Variants in MTRES1 observed in about 807,000 individuals in gnomAD.
MTRES1 encodes the protein uncharacterized protein C6orf203.
MTRES1 carries 11 observed loss-of-function variants against 17.4 expected under a neutral mutation model. The observed-to-expected ratio is 0.63, with a 90% CI of 0.40 to 1.05. MTRES1 has a LOEUF of 1.05. Among genes scored for constraint, MTRES1 ranks in the 50% least tolerant of loss-of-function variants. The pLI is 0.00. For missense variants in MTRES1, 268 were observed against 276.2 expected (o/e 0.97, Z 0.21); for synonymous variants, 94 against 99.6 (o/e 0.94, Z 0.34).
intron 3 of MTRES1, among the ~76,000 whole-genome samples, chr6:107,050,481 C>T (rs2593801): frequency 0.3 from 44,958 of 150,720 alleles, 7,023 homozygotes; most frequent in East Asian, 0.38. Flanking sequence ...CACAGCCAGC[C>T]AGTTGTCTAG....
rs111993607 is a variant in MTRES1 at position 107,047,208 on chromosome 6, T to C, written c.543+2876T>C. ...TACACAGAGTATCCTTTTCTTTGTA[T>C]ATTTTTTTTTTCTTTTTCTTTATTT... is the stretch of plus-strand genomic sequence containing the variant. On this transcript the variant is annotated intron_variant, in intron 3 of 3. Transcript: ENST00000311381. Among the ~76,000 whole-genome samples, 1,224 of 152,102 alleles carry C rather than the reference T, an allele frequency of 8.0e-3. 23 individuals are homozygous for C. Among genetic ancestry groups the C allele is most frequent in the African/African-American group, 0.028 (1,163 of 41,520 alleles).
chr6:107,044,898 A>G (rs1023287222), intron 3 of MTRES1, among the ~76,000 whole-genome samples: 7 of 152,208 alleles, frequency 4.6e-5, no homozygotes, highest in Non-Finnish European at 1.0e-4. Context: ...AATAAATCAT[A>G]TATAAAAATT....
At chr6:107,029,988 G>C in intron 1 of MTRES1, 1 of 672,376 alleles carries the variant, frequency 1.5e-6, no homozygotes. Flanking sequence ...TAATTTACAG[G>C]GTGTTTTTTT....
chr6:107,041,224 CAA>C (rs55820077), intron 2 of MTRES1, among the ~76,000 whole-genome samples: 83,653 of 122,342 alleles, frequency 0.68, 26,639 homozygotes, highest in East Asian at 0.97. Context: ...GACTCCGTCT[CAA>C]AAAAAAAAAA....
At chr6:107,041,099 G>A (rs964915740) in intron 2 of MTRES1, among the ~76,000 whole-genome samples, 10 of 150,960 alleles carry the variant, frequency 6.6e-5, no homozygotes, top group Non-Finnish European at 1.0e-4. Flanking sequence ...GGTGGCAGGC[G>A]CCTGTAGTCC....
At chr6:107,032,620 A>G (rs1321348103) in intron 1 of MTRES1, among the ~76,000 whole-genome samples, 1 of 152,168 alleles carries the variant, frequency 6.6e-6, no homozygotes, top group African/African-American at 2.4e-5. Flanking sequence ...CTGAGGCGGG[A>G]GAATTGCTTG....
intron 1 of MTRES1, among the ~76,000 whole-genome samples, chr6:107,032,712 A>T (rs1298705653): frequency 6.6e-6 from 1 of 152,084 alleles, no homozygotes; most frequent in East Asian, 1.9e-4. Context: ...TCAAAAAAAT[A>T]AAAAAATGCC....
intron 3 of MTRES1, among the ~76,000 whole-genome samples, chr6:107,047,329 CT>C (rs1390565026): frequency 6.6e-6 from 1 of 151,830 alleles, no homozygotes; most frequent in Non-Finnish European, 1.5e-5. Flanking sequence ...CTCAAGTGAT[CT>C]TCCCACCTCA....
rs1343068053 is a variant in MTRES1, at chr6:107,051,167, T to C, written c.654T>C (p.Ser218=). ...AAGTGTTTGAAGAGAAGACTGAAAG[T>C]GAAAAATACAGAGTGGTGTTACGGC... ...LKKVFEEKTE[S]EKYRVVLRRW... is the part of the protein sequence containing the mutation. The change falls in exon 4 of 4, where the codon AGT becomes AGC. Residue 218 remains serine (S), a synonymous_variant. Transcript: ENST00000311381. The C allele has an allele frequency of 6.2e-7, 1 of 1,613,994 alleles. No homozygotes were observed. Among genetic ancestry groups the C allele is most frequent in the Non-Finnish European group, 8.5e-7 (1 of 1,179,986 alleles).
intron 3 of MTRES1, 129 bp downstream of exon 3, chr6:107,044,461 G>C (rs781960257): frequency 4.3e-6 from 3 of 700,838 alleles, no homozygotes; most frequent in Non-Finnish European, 7.6e-6. Context: ...GGTCCTCCAC[G>C]TCAAGCTGGT....
Position 107,029,111 on chromosome 6 carries a change from C to T in MTRES1, c.-13+840C>T, listed in dbSNP as rs189725766. Reference sequence around the variant, plus strand: ...CGGGATCTCGGCTCACTGCAAGCTCCGCCTCCCAGGTTCACGCCATTCTCC... The same window carrying T: ...CGGGATCTCGGCTCACTGCAAGCTCTGCCTCCCAGGTTCACGCCATTCTCC... On this transcript the variant is annotated intron_variant, in intron 1 of 3. Coordinates refer to ENST00000311381, the MANE Select transcript of MTRES1 (RefSeq NM_016487.5). 6.8e-3 allele frequency among the ~76,000 whole-genome samples: 1,040 copies of T among 152,040 alleles called. 15 individuals carry two copies. The highest frequency in any genetic ancestry group is 0.024 in the African/African-American group (998 of 41,454).
rs1343548201 is a variant in MTRES1, at chr6:107,041,709, T to A, written c.470+1479T>A. 3.3e-5 allele frequency among the ~76,000 whole-genome samples: 5 copies of A among 152,022 alleles called. No individual in the cohort carries two copies. In the East Asian group the frequency reaches 9.9e-4, roughly 30 times the overall value. On this transcript the variant is annotated intron_variant, in intron 2 of 3. Transcript: ENST00000311381. ...CCTGGCTAATTTTTTTGTATTTTTT[T>A]AGTAGAGACGGGATTTCACTGTGTT...
At chr6:107,050,178 A>G (rs1774546374) in intron 3 of MTRES1, among the ~76,000 whole-genome samples, 1 of 151,042 alleles carries the variant, frequency 6.6e-6, no homozygotes, top group Non-Finnish European at 1.5e-5. Flanking sequence ...CACTGTCTCA[A>G]CTGAAGCTGC....
At chr6:107,034,799 C>G (rs1206791469) in intron 1 of MTRES1, among the ~76,000 whole-genome samples, 3 of 152,054 alleles carry the variant, frequency 2.0e-5, no homozygotes, top group Non-Finnish European at 4.4e-5. Flanking sequence ...ACCAGCCTGA[C>G]CAACATGGAG....
intron 1 of MTRES1, 26 bp from the exon 2 acceptor site, chr6:107,039,723 T>C (rs781956708): frequency 1.0e-5 from 16 of 1,565,202 alleles, no homozygotes; most frequent in Non-Finnish European, 1.4e-5. Context: ...ACTTGTGAGA[T>C]AAAACTGATT....
chr6:107,031,773 G>A (rs1396586573), intron 1 of MTRES1, among the ~76,000 whole-genome samples: 11 of 152,122 alleles, frequency 7.2e-5, no homozygotes, highest in Non-Finnish European at 1.5e-5. Flanking sequence ...GCTAATTTTT[G>A]TATTAGTAGT....
intron 2 of MTRES1, among the ~76,000 whole-genome samples, chr6:107,041,514 T>TTTTTTTG (rs1554227771): frequency 1.3e-5 from 2 of 151,960 alleles, no homozygotes; most frequent in Admixed American, 1.3e-4. Flanking sequence ...TATTTCTGGG[T>TTTTTTTG]TTTTTTGTTT....
At chr6:107,045,766 A>G (rs1286905853) in intron 3 of MTRES1, among the ~76,000 whole-genome samples, 1 of 152,228 alleles carries the variant, frequency 6.6e-6, no homozygotes, top group East Asian at 1.9e-4. Context: ...GACACGAGGT[A>G]TTGGAAGACA....
At chr6:107,046,893 T>G (rs1774407790) in intron 3 of MTRES1, among the ~76,000 whole-genome samples, 1 of 152,016 alleles carries the variant, frequency 6.6e-6, no homozygotes, top group South Asian at 2.1e-4. Context: ...GAGCACCCCT[T>G]CTCTGTGCTA....
Sources: allele counts gnomAD v4.1 joint callset (sites outside exome capture counted in the v4.1 genomes callset), GRCh38; gene constraint gnomAD v4.1.1; transcripts MANE v1.5; gene names NCBI Gene and HGNC (gene_info 2026-07-23, HGNC 2026-07-21).